IBTK: variants seen among roughly 807,000 people sequenced by gnomAD.
IBTK encodes the protein inhibitor of Bruton tyrosine kinase.
In IBTK, 83 loss-of-function variants were observed where a neutral mutation model predicts 154.9. The observed-to-expected ratio is 0.54, with a 90% CI of 0.45 to 0.64. IBTK has a LOEUF of 0.64. IBTK is among the 30% of genes least tolerant of loss of function. The pLI, the probability that IBTK is intolerant of heterozygous loss-of-function variation, is 0.00. For synonymous variants in IBTK, 515 were observed against 536.1 expected, an observed-to-expected ratio of 0.96 and a Z score of 0.54; for missense variants, 1,332 against 1,584.6, an observed-to-expected ratio of 0.84 and a Z score of 2.71.
chr6:82,214,908 A>C, intron 11 of IBTK, 79 bp from the exon 12 acceptor site: 2 of 1,426,726 alleles, frequency 1.4e-6, no homozygotes, highest in Non-Finnish European at 1.9e-6. Flanking sequence ...ATTCTCCTTT[A>C]AAATGCAATT....
chr6:82,184,897 A>G (rs142689185), intron 25 of IBTK, among the ~76,000 whole-genome samples: 6 of 152,188 alleles, frequency 3.9e-5, no homozygotes, highest in African/African-American at 1.4e-4. Flanking sequence ...AACCAGTTAC[A>G]TCGGCTGGGC....
intron 27 of IBTK, 84 bp from the exon 28 acceptor site, chr6:82,172,596 C>T: frequency 7.9e-7 from 1 of 1,266,876 alleles, no homozygotes; most frequent in African/African-American, 1.5e-5. Flanking sequence ...TTTAGCAATG[C>T]TACAATTCTT....
intron 22 of IBTK, 51 bp from the exon 23 acceptor site, chr6:82,194,693 C>T (rs748971137): frequency 2.4e-6 from 3 of 1,271,340 alleles, no homozygotes; most frequent in Non-Finnish European, 3.2e-6. Flanking sequence ...AGAACAGTAA[C>T]TAACACATAG....
Position 82,228,593 on chromosome 6 carries a change from T to A in IBTK, c.544-1291A>T, listed in dbSNP as rs564899626. On this transcript the variant is annotated intron_variant, in intron 4 of 28. Transcript: ENST00000306270. ...AAACAACAGTTGCAATACTAGACAG[T>A]TTTAAGTTATCCAACTTTAAAAACC... Among the ~76,000 whole-genome samples the A allele has an allele frequency of 3.9e-5, 6 of 152,238 alleles. No individual in the cohort carries two copies. The East Asian group carries it at 9.6e-4, about 24-fold the overall frequency.
intron 25 of IBTK, among the ~76,000 whole-genome samples, chr6:82,185,184 G>GA (rs1196015823): frequency 0.14 from 5,413 of 37,778 alleles, 290 homozygotes; most frequent in African/African-American, 0.19. Flanking sequence ...CTCTGTCTCA[G>GA]AAAAAAAAAA....
At chr6:82,218,211 T>C (rs1769943680) in intron 9 of IBTK, 74 bp from the exon 10 acceptor site, 3 of 1,079,796 alleles carry the variant, frequency 2.8e-6, no homozygotes, top group East Asian at 2.8e-5. Flanking sequence ...AATCAAGATA[T>C]CAAGAGACAA....
intron 24 of IBTK, 64 bp downstream of exon 24, chr6:82,191,723 G>T: frequency 2.0e-6 from 2 of 977,766 alleles, no homozygotes; most frequent in Non-Finnish European, 3.3e-6. Context: ...GATGCAGTAA[G>T]TCTGTCCAAT....
At chr6:82,233,111 C>T (rs971719022) in intron 3 of IBTK, among the ~76,000 whole-genome samples, 36 of 148,134 alleles carry the variant, frequency 2.4e-4, no homozygotes, top group Admixed American at 1.6e-3. Flanking sequence ...GAGCCAAGAT[C>T]GCGCCATTGC....
Position 82,214,796 on chromosome 6 carries a change from G to C in IBTK, c.1635C>G (p.Ser545=), listed in dbSNP as rs963350777. 1.2e-6 allele frequency: 2 copies of C among 1,606,550 alleles called. No homozygotes were observed. Among genetic ancestry groups the C allele is most frequent in the African/African-American group, 2.7e-5 (2 of 74,462 alleles). ...ACAGTTTGCCAAACTCTTCAAAAAA[G>C]GATGATGAGGACACAGCTGGAATTT... ...LYEIPAVSSS[S]FFEEFGKLLR... is the part of the protein sequence containing the mutation. Residue 545 remains serine, a synonymous_variant, in exon 12 of 29, where the codon TCC becomes TCG. Transcript: ENST00000306270.
chr6:82,241,319 A>C (rs1770942116), intron 1 of IBTK, among the ~76,000 whole-genome samples: 1 of 151,986 alleles, frequency 6.6e-6, no homozygotes, highest in South Asian at 2.1e-4. Flanking sequence ...TCCCATCCCA[A>C]ACCTATACCC....
chr6:82,200,297 A>G, intron 20 of IBTK, 44 bp from the exon 21 acceptor site: 1 of 1,343,810 alleles, frequency 7.4e-7, no homozygotes, highest in East Asian at 2.3e-5. Flanking sequence ...TAGGGAGGTA[A>G]CTAAGATAAA....
intron 25 of IBTK, among the ~76,000 whole-genome samples, chr6:82,183,642 T>C (rs927746141): frequency 6.6e-6 from 1 of 152,110 alleles, no homozygotes; most frequent in Non-Finnish European, 1.5e-5. Flanking sequence ...TACATGAGAA[T>C]AAAATATCCC....
Position 82,223,638 on chromosome 6 carries a change from T to C in IBTK, c.944-18A>G. On this transcript the variant is annotated intron_variant, in intron 7 of 28. Coordinates refer to ENST00000306270, the MANE Select transcript of IBTK (RefSeq NM_015525.4). ...CAAACAACCTAAAAAATGATACAAA[T>C]AAGCAAATCACAAAATAGCTCTTTT... 1 of 1,604,374 alleles carries C rather than the reference T, an allele frequency of 6.2e-7. No individual in the cohort carries two copies. The highest frequency in any genetic ancestry group is 8.5e-7 in the Non-Finnish European group (1 of 1,172,284).
chr6:82,225,767 C>G (rs1236968215), intron 5 of IBTK, 120 bp from the exon 6 acceptor site: 14 of 695,668 alleles, frequency 2.0e-5, no homozygotes, highest in Non-Finnish European at 2.5e-5. Flanking sequence ...ATGGCTGTAT[C>G]TATCATAGGT....
Position 82,225,544 on chromosome 6 carries a change from A to C in IBTK, c.758T>G (p.Phe253Cys). Residue 253 changes from phenylalanine (F) to cysteine (C), a missense_variant, in exon 6 of 29, where the codon TTT becomes TGT. Coordinates refer to ENST00000306270, the MANE Select transcript of IBTK (RefSeq NM_015525.4). Reference sequence around the variant, plus strand: ...TAATTGATGAAAAATGTTTAGACCAAATGTATAAACACATCCATCTTCAGT... The same window carrying C: ...TAATTGATGAAAAATGTTTAGACCACATGTATAAACACATCCATCTTCAGT... ...VLTEDGCVYT[F>C]GLNIFHQLGI... The C allele has an allele frequency of 2.5e-6, 4 of 1,612,352 alleles. No individual in the cohort carries two copies. The highest frequency in any genetic ancestry group is 3.4e-6 in the Non-Finnish European group (4 of 1,178,572).
chr6:82,235,318 G>A (rs956764153), intron 2 of IBTK, among the ~76,000 whole-genome samples: 8 of 152,170 alleles, frequency 5.3e-5, no homozygotes, highest in Non-Finnish European at 4.4e-5. Flanking sequence ...ACACTCTGCC[G>A]GGCGCAGTGG....
chr6:82,210,722 GTTT>G, intron 16 of IBTK, 89 bp downstream of exon 16: 1 of 511,070 alleles, frequency 2.0e-6, no homozygotes. Context: ...TTTATTGATG[GTTT>G]TTTTCTATTA....
Position 82,194,577 on chromosome 6 carries a change from C to G in IBTK, c.3240G>C (p.Trp1080Cys). ...PVYSREDLKP[W>C]EKSPILKISA... ...ATATTTTAAGTATTGGTGACTTTTC[C>G]CATGGTTTTAAATCTTCCCTAGAAT... The change falls in exon 23 of 29, where the codon TGG (tryptophan) becomes TGC (cysteine). Residue 1080 changes from tryptophan to cysteine, a missense_variant. By Grantham distance (215) the Trp-to-Cys change is radical. Around this residue, in one of 3 missense-constraint regions of IBTK, gnomAD observed 1,134 missense variants for 1,274.7 expected, o/e 0.89. Coordinates refer to ENST00000306270, the MANE Select transcript of IBTK (RefSeq NM_015525.4). The G allele has an allele frequency of 6.2e-7, 1 of 1,611,568 alleles. No homozygotes were observed. The highest frequency in any genetic ancestry group is 8.5e-7 in the Non-Finnish European group (1 of 1,178,734).
At chr6:82,211,224 G>A in intron 15 of IBTK, 143 bp downstream of exon 15, 2 of 570,410 alleles carry the variant, frequency 3.5e-6, no homozygotes, top group South Asian at 3.7e-5. Flanking sequence ...CTATTTTCCA[G>A]CAGCCTCAAG....
Sources: gnomAD v4.1 joint callset for allele counts (sites outside exome capture counted in the v4.1 genomes callset) on GRCh38, gnomAD v4.1.1 for gene constraint, gnomAD v4.1.1 regional missense constraint, MANE v1.5 for transcripts, NCBI Gene and HGNC (gene_info 2026-07-23, HGNC 2026-07-21) for gene names.